The following DCAF12 variants were observed in gnomAD, a reference collection of about 807,000 sequenced individuals.
DCAF12 encodes DDB1- and CUL4-associated factor 12.
A neutral mutation model predicts 52.8 loss-of-function variants in DCAF12; 28 were observed. That is an observed-to-expected ratio of 0.53 (90% CI 0.39 to 0.73). The LOEUF (loss-of-function observed/expected upper bound fraction) is 0.73. Ranked by LOEUF, DCAF12 falls within the 30% of genes least tolerant of loss-of-function variation. DCAF12 has a pLI of 0.00. For synonymous variants in DCAF12, 196 were observed against 215.5 expected, an observed-to-expected ratio of 0.91 and a Z score of 0.79; for missense variants, 425 against 552.2, an observed-to-expected ratio of 0.77 and a Z score of 2.31.
chr9:34,123,741 G>A (rs1031682388), intron 2 of DCAF12, among the ~76,000 whole-genome samples: 9 of 152,040 alleles, frequency 5.9e-5, no homozygotes, highest in African/African-American at 2.2e-4. Context: ...TATTTGCTAG[G>A]CTAAACACTA....
At chr9:34,103,405 C>CA (rs528124195) in intron 4 of DCAF12, among the ~76,000 whole-genome samples, 44,011 of 137,442 alleles carry the variant, frequency 0.32, 6,976 homozygotes, top group Non-Finnish European at 0.37. Context: ...GACTCCATCT[C>CA]AAAAAAAAAA....
At chr9:34,091,324 TCAACAA>T (rs754998530) in intron 7 of DCAF12, among the ~76,000 whole-genome samples, 21 of 151,676 alleles carry the variant, frequency 1.4e-4, no homozygotes, top group African/African-American at 3.9e-4. Context: ...AAGACTCATC[TCAACAA>T]CAACAACAAC....
intron 2 of DCAF12, among the ~76,000 whole-genome samples, chr9:34,120,001 C>T (rs1359931628): frequency 6.6e-6 from 1 of 151,678 alleles, no homozygotes; most frequent in African/African-American, 2.4e-5. Context: ...CCACTATACC[C>T]AGCCAATACT....
In DCAF12 at chr9:34,125,215, T is replaced by C; in HGVS notation, c.141A>G (p.Val47=). Residue 47 remains valine (V), a synonymous_variant, in exon 2 of 9, where the codon GTA becomes GTG. Coordinates refer to ENST00000361264, the MANE Select transcript of DCAF12 (RefSeq NM_015397.4). ...KRLPPVKRSL[V]YYLKNREVRL... is the part of the protein sequence containing the mutation. Reference sequence around the variant, plus strand: ...TGACTTCCCGGTTCTTCAAGTAGTATACTAAGGATCTCTTCACAGGAGGAA... The same window carrying C: ...TGACTTCCCGGTTCTTCAAGTAGTACACTAAGGATCTCTTCACAGGAGGAA... 2 of 1,614,202 alleles carry C rather than the reference T, an allele frequency of 1.2e-6. No individual in the cohort carries two copies. The highest frequency in any genetic ancestry group is 1.1e-5 in the South Asian group (1 of 91,086).
intron 7 of DCAF12, among the ~76,000 whole-genome samples, chr9:34,090,634 T>C (rs1370535051): frequency 6.6e-6 from 1 of 152,132 alleles, no homozygotes; most frequent in African/African-American, 2.4e-5. Flanking sequence ...AAACTTTTCA[T>C]TGCATACATT....
intron 4 of DCAF12, 109 bp downstream of exon 4, chr9:34,106,325 G>T: frequency 2.3e-6 from 2 of 871,692 alleles, no homozygotes; most frequent in South Asian, 3.3e-5. Context: ...TTATAGGCGT[G>T]AGTCACTGAG....
intron 2 of DCAF12, among the ~76,000 whole-genome samples, chr9:34,121,911 C>G (rs1385046839): frequency 1.3e-5 from 2 of 152,126 alleles, no homozygotes; most frequent in Non-Finnish European, 2.9e-5. Context: ...CCACTGCACT[C>G]CAGCCTGGTG....
At chr9:34,088,556 A>C in intron 8 of DCAF12, 48 bp from the exon 9 acceptor site, 1 of 1,607,518 alleles carries the variant, frequency 6.2e-7, no homozygotes, top group Non-Finnish European at 8.5e-7. Flanking sequence ...GCCATGGGGC[A>C]GGAAAAGGGG....
At position 34,090,674 on chromosome 9, in the gene DCAF12, C is replaced by CT. The variant is rs200942946; in HGVS notation, c.1025-1085dup. Among the ~76,000 whole-genome samples, 739 of 151,224 alleles carry CT rather than the reference C, an allele frequency of 4.9e-3. 39 individuals are homozygous for CT. The East Asian group carries it at 0.12, about 24-fold the overall frequency. The stretch of plus-strand genomic sequence containing the variant: ...GAGCCAAACCTATTTAGTCTTTTCT[C>CT]TTTTTTTTTGAGCTCTGTTGCCAAA... On this transcript the variant is annotated intron_variant, in intron 7 of 8. Transcript: ENST00000361264.
At chr9:34,116,618 T>C (rs1474421693) in intron 2 of DCAF12, among the ~76,000 whole-genome samples, 1 of 151,924 alleles carries the variant, frequency 6.6e-6, no homozygotes, top group Non-Finnish European at 1.5e-5. Flanking sequence ...GAGGTTGTAG[T>C]GAGCCAAGAT....
At chr9:34,106,145 T>G (rs1828900535) in intron 4 of DCAF12, among the ~76,000 whole-genome samples, 1 of 152,122 alleles carries the variant, frequency 6.6e-6, no homozygotes, top group Non-Finnish European at 1.5e-5. Flanking sequence ...TAGGCTGGAG[T>G]GCAGTGGCAC....
rs1828926539 is a variant in DCAF12 at position 34,107,661 on chromosome 9, A to G, written c.334-96T>C. 4 of 1,003,244 alleles carry G rather than the reference A, an allele frequency of 4.0e-6. No homozygotes were observed. The Admixed American group carries it at 8.3e-5, about 21-fold the overall frequency. 62.1% of individuals were successfully genotyped at this position (1,003,244 alleles called of 1,614,324 possible). Reference sequence around the variant, plus strand: ...TTGTTCAACTGTTCATCAACATTTAATTAACAACTACTACATGTTAGACCC... The same window carrying G: ...TTGTTCAACTGTTCATCAACATTTAGTTAACAACTACTACATGTTAGACCC... On this transcript the variant is annotated intron_variant, in intron 2 of 8. Coordinates refer to ENST00000361264, the MANE Select transcript of DCAF12 (RefSeq NM_015397.4).
chr9:34,117,770 T>A (rs1322255188), intron 2 of DCAF12, among the ~76,000 whole-genome samples: 1 of 151,934 alleles, frequency 6.6e-6, no homozygotes, highest in Non-Finnish European at 1.5e-5. Context: ...CAAAATTAGC[T>A]GGGTGTGGTG....
chr9:34,088,156 G>T lies in DCAF12; in HGVS notation c.*194C>A. On this transcript the variant is annotated 3_prime_UTR_variant, in exon 9 of 9. Coordinates refer to ENST00000361264, the MANE Select transcript of DCAF12 (RefSeq NM_015397.4). ...GATAGTAAAATTTTGATTACCAAAG[G>T]GGAAAACAAAAAGCAAAACAACTTT... is the stretch of plus-strand genomic sequence containing the variant. The T allele has an allele frequency of 2.2e-6, 1 of 461,694 alleles. No homozygotes were observed. The allele number at this position is 461,694 out of a possible 1,614,324, so 28.6% of individuals were successfully genotyped here. A position where few individuals can be genotyped will look rare whatever the true frequency, so the allele number is the denominator to read the frequency against.
At chr9:34,088,710 G>C (rs568597930) in intron 8 of DCAF12, among the ~76,000 whole-genome samples, 6 of 152,314 alleles carry the variant, frequency 3.9e-5, no homozygotes, top group African/African-American at 1.4e-4. Flanking sequence ...GAACGGAGCA[G>C]CTGAAGAATT....
In DCAF12 at chr9:34,098,417, G is replaced by A. The variant is rs1015986158; in HGVS notation, c.702C>T (p.His234=). 7 of 1,614,112 alleles carry A rather than the reference G, an allele frequency of 4.3e-6. No homozygotes were observed. Among genetic ancestry groups the A allele is most frequent in the African/African-American group, 1.3e-5 (1 of 74,938 alleles). The part of the protein sequence containing the change: ...HNVSRVPVYA[H]ITHKALKDIP... ...TGTCCTTTAAGGCCTTGTGAGTGAT[G>A]TGTGCATACACAGGGACCCGTGACA... The change falls in exon 5 of 9, where the codon CAC becomes CAT. Residue 234 remains histidine (H), a synonymous_variant. Coordinates refer to ENST00000361264, the MANE Select transcript of DCAF12 (RefSeq NM_015397.4).
At chr9:34,093,116 T>C (rs937675036) in intron 7 of DCAF12, among the ~76,000 whole-genome samples, 170 bp downstream of exon 7, 2 of 152,270 alleles carry the variant, frequency 1.3e-5, no homozygotes, top group East Asian at 3.8e-4. Context: ...CCCAAAGTGC[T>C]GGGATTACAG....
At position 34,086,478 on chromosome 9, in the gene DCAF12, C is replaced by G. The variant is rs964656880; in HGVS notation, c.*1872G>C. The G allele has an allele frequency of 1.1e-4, 16 of 152,076 alleles. No individual in the cohort carries two copies. Among genetic ancestry groups the G allele is most frequent in the Admixed American group, 6.6e-4 (10 of 15,240 alleles). The allele number at this position is 152,076 out of a possible 1,614,324, so 9.4% of individuals were successfully genotyped here. On this transcript the variant is annotated 3_prime_UTR_variant, in exon 9 of 9. Coordinates refer to ENST00000361264, the MANE Select transcript of DCAF12 (RefSeq NM_015397.4). ...AATCTCAAACAATCAAACGCATTAC[C>G]CATTACAGAAGAGGGTCTAGCAATA...
At chr9:34,117,492 A>T (rs1829106178) in intron 2 of DCAF12, among the ~76,000 whole-genome samples, 1 of 152,062 alleles carries the variant, frequency 6.6e-6, no homozygotes, top group South Asian at 2.1e-4. Flanking sequence ...AATGGACTGA[A>T]TCCTAAAAGC....
Sources: gnomAD v4.1 joint callset for allele counts (sites outside exome capture counted in the v4.1 genomes callset) on GRCh38, gnomAD v4.1.1 for gene constraint, MANE v1.5 for transcripts, NCBI Gene and HGNC (gene_info 2026-07-23, HGNC 2026-07-21) for gene names.